The following STK32B variants were observed in gnomAD, a reference collection of about 807,000 sequenced individuals.
The protein encoded by STK32B is serine/threonine kinase 32B.
A neutral mutation model predicts 52.6 loss-of-function variants in STK32B; 43 were observed. The observed-to-expected ratio is 0.82, with a 90% CI of 0.64 to 1.05. The LOEUF (loss-of-function observed/expected upper bound fraction) is 1.05, where lower values mean the gene tolerates loss of function less well. Ranked by LOEUF, STK32B falls within the 50% of genes least tolerant of loss-of-function variation. The probability of loss-of-function intolerance (pLI) is 0.00; values close to 1 mark genes in which losing one functional copy is unlikely to be tolerated. For synonymous variants in STK32B, 238 were observed against 204.3 expected, an observed-to-expected ratio of 1.17 and a Z score of -1.41; for missense variants, 621 against 534.6, an observed-to-expected ratio of 1.16 and a Z score of -1.59.
At position 5,469,885 on chromosome 4, in the gene STK32B, C is replaced by T. The variant is rs528063543; in HGVS notation, c.1106+1815C>T. Reference sequence around the variant, plus strand: ...TCCTGCCTGCTCTGAGGCTCATGGCCCTTCCCCCAGACTTAGAAACCCAGA... The same window carrying T: ...TCCTGCCTGCTCTGAGGCTCATGGCTCTTCCCCCAGACTTAGAAACCCAGA... On this transcript the variant is annotated intron_variant, in intron 11 of 11. Transcript: ENST00000282908. The surrounding 1 kb of genome is among the most constrained non-coding windows in gnomAD (Gnocchi z 4.7). Among the ~76,000 whole-genome samples the T allele has an allele frequency of 4.6e-5, 7 of 152,268 alleles. No homozygotes were observed. Among genetic ancestry groups the T allele is most frequent in the African/African-American group, 1.4e-4 (6 of 41,564 alleles).
intron 1 of STK32B, among the ~76,000 whole-genome samples, chr4:5,121,894 G>A (rs546018133): frequency 3.9e-4 from 60 of 152,306 alleles, no homozygotes; most frequent in South Asian, 8.3e-4. Flanking sequence ...CACAAGTGAG[G>A]GGCCAGAAAA....
chr4:5,140,395 A>G, intron 2 of STK32B: 1 of 957,456 alleles, frequency 1.0e-6, no homozygotes, highest in Non-Finnish European at 1.3e-6. Flanking sequence ...GAAAACAAAA[A>G]TACTCCCCCC....
chr4:5,192,697 C>T (rs1309157115), intron 3 of STK32B, among the ~76,000 whole-genome samples: 1 of 151,654 alleles, frequency 6.6e-6, no homozygotes, highest in Non-Finnish European at 1.5e-5. Context: ...TTAACCCATC[C>T]ACCACCTCAC....
chr4:5,161,966 G>C (rs775710001), intron 2 of STK32B, among the ~76,000 whole-genome samples: 2 of 152,164 alleles, frequency 1.3e-5, no homozygotes, highest in Non-Finnish European at 2.9e-5. Flanking sequence ...CAAGCTGGGG[G>C]ATGGTAGAGA....
chr4:5,103,541 C>T (rs1713936391), intron 1 of STK32B, among the ~76,000 whole-genome samples: 1 of 152,108 alleles, frequency 6.6e-6, no homozygotes, highest in Non-Finnish European at 1.5e-5. Flanking sequence ...TTGACTCATT[C>T]CCTTATTGAT....
intron 4 of STK32B, among the ~76,000 whole-genome samples, chr4:5,358,654 A>G (rs1734331323): frequency 6.6e-6 from 1 of 151,994 alleles, no homozygotes; most frequent in African/African-American, 2.4e-5. Context: ...CAGATAGCAT[A>G]TTTGGGCTGT....
chr4:5,068,089 A>G (rs1048206912), intron 1 of STK32B, among the ~76,000 whole-genome samples: 4 of 152,122 alleles, frequency 2.6e-5, no homozygotes, highest in South Asian at 2.1e-4. Flanking sequence ...GTTACTTTCA[A>G]TGGCAAAAAC....
At chr4:5,110,167 A>C (rs1213342126) in intron 1 of STK32B, among the ~76,000 whole-genome samples, 1 of 151,670 alleles carries the variant, frequency 6.6e-6, no homozygotes, top group Non-Finnish European at 1.5e-5. Context: ...CATTAAAATG[A>C]CCATATAGCT....
At chr4:5,442,960 C>T (rs1714942485) in intron 6 of STK32B, among the ~76,000 whole-genome samples, 1 of 151,928 alleles carries the variant, frequency 6.6e-6, no homozygotes. Flanking sequence ...TGTAGGGTGT[C>T]TGCCGAGAGA....
At chr4:5,096,005 TG>T (rs1713369428) in intron 1 of STK32B, among the ~76,000 whole-genome samples, 2 of 152,260 alleles carry the variant, frequency 1.3e-5, no homozygotes, top group Non-Finnish European at 2.9e-5. Flanking sequence ...AGTGATTTCA[TG>T]GGATGTGGAA....
At chr4:5,054,046 G>T (rs969927898) in intron 1 of STK32B, among the ~76,000 whole-genome samples, 2 of 150,872 alleles carry the variant, frequency 1.3e-5, no homozygotes, top group Admixed American at 1.3e-4. Flanking sequence ...TTTTGCCATT[G>T]CCCAGCCCAG....
At chr4:5,337,452 C>G (rs766708536) in intron 4 of STK32B, among the ~76,000 whole-genome samples, 1 of 151,984 alleles carries the variant, frequency 6.6e-6, no homozygotes, top group Non-Finnish European at 1.5e-5. Context: ...ATGAATGAAT[C>G]AAAGAGGATA....
At chr4:5,187,615 G>A (rs1256485840) in intron 3 of STK32B, among the ~76,000 whole-genome samples, 2 of 150,390 alleles carry the variant, frequency 1.3e-5, no homozygotes, top group African/African-American at 4.9e-5. Flanking sequence ...GGCAGGGGCC[G>A]GGCGGGGGAG....
chr4:5,316,225 A>ATAT (rs1730694979), intron 3 of STK32B, among the ~76,000 whole-genome samples: 7 of 69,008 alleles, frequency 1.0e-4, no homozygotes, highest in African/African-American at 6.3e-4. Context: ...ATAATATATT[A>ATAT]TATATACAAT....
In STK32B at chr4:5,399,716, T is replaced by C. The variant is rs970542119; in HGVS notation, c.472+1472T>C. Among the ~76,000 whole-genome samples the C allele has an allele frequency of 6.6e-6, 1 of 152,176 alleles. No homozygotes were observed. Among genetic ancestry groups the C allele is most frequent in the African/African-American group, 2.4e-5 (1 of 41,434 alleles). On this transcript the variant is annotated intron_variant, in intron 5 of 11. Coordinates refer to ENST00000282908, the MANE Select transcript of STK32B (RefSeq NM_018401.3). This position sits in a 1 kb window ranked among gnomAD's most constrained non-coding sequence, Gnocchi z 5.4. ...TGGCTGTACCTCCGTGTCTCAGCCT[T>C]CCCAGCAGCGATGCAGAAGTAATTG...
At chr4:5,365,099 C>T (rs1039809669) in intron 4 of STK32B, among the ~76,000 whole-genome samples, 1 of 152,154 alleles carries the variant, frequency 6.6e-6, no homozygotes, top group Non-Finnish European at 1.5e-5. Flanking sequence ...TGGTCTCAAA[C>T]TCCTGACCTC....
chr4:5,174,039 C>T (rs1390156277), intron 3 of STK32B, among the ~76,000 whole-genome samples: 1 of 152,030 alleles, frequency 6.6e-6, no homozygotes, highest in African/African-American at 2.4e-5. Flanking sequence ...TGAATTGATC[C>T]CTTTACCATT....
intron 4 of STK32B, among the ~76,000 whole-genome samples, chr4:5,373,967 A>T (rs1735416483): frequency 6.6e-6 from 1 of 152,234 alleles, no homozygotes; most frequent in African/African-American, 2.4e-5. Flanking sequence ...TGAAAATAGG[A>T]TCTTTGCCGG....
the STK32B span, among the ~76,000 whole-genome samples, chr4:5,036,156 C>T: frequency 6.6e-6 from 1 of 152,176 alleles, no homozygotes; most frequent in Non-Finnish European, 1.5e-5. Flanking sequence ...AAATACCACT[C>T]CTGCCTAGCT....
Sources: allele counts gnomAD v4.1 joint callset (sites outside exome capture counted in the v4.1 genomes callset), GRCh38; gene constraint gnomAD v4.1.1; non-coding constraint Gnocchi (gnomAD v3.1); transcripts MANE v1.5; gene names NCBI Gene and HGNC (gene_info 2026-07-23, HGNC 2026-07-21).